SHANK2: variants seen among roughly 807,000 people sequenced by gnomAD.
The protein encoded by SHANK2 is SH3 and multiple ankyrin repeat domains 2, also known as SH3 and multiple ankyrin repeat domains protein 2.
In SHANK2, 43 loss-of-function variants were observed where a neutral mutation model predicts 133.7. That is an observed-to-expected ratio of 0.32 (90% CI 0.25 to 0.41). The LOEUF is 0.41. SHANK2 is among the 10% of genes least tolerant of loss of function. The probability of loss-of-function intolerance (pLI) is 1.00; values close to 1 mark genes in which losing one functional copy is unlikely to be tolerated. For missense variants in SHANK2, 1,994 were observed against 2,235.8 expected (o/e 0.89, Z 2.18); for synonymous variants, 1,017 against 952.8 (o/e 1.07, Z -1.24).
At chr11:70,560,736 AT>A (rs1383319284) in intron 17 of SHANK2, among the ~76,000 whole-genome samples, 4 of 151,496 alleles carry the variant, frequency 2.6e-5, no homozygotes, top group African/African-American at 7.3e-5. Flanking sequence ...GGTTCAAGCG[AT>A]TCTCCTGCCT....
In SHANK2 at chr11:70,944,188, A is replaced by T. The variant is rs566032483; in HGVS notation, c.1108-47621T>A. Among the ~76,000 whole-genome samples, 27 of 152,368 alleles carry T rather than the reference A, an allele frequency of 1.8e-4. No homozygotes were observed. In the South Asian group the frequency reaches 5.6e-3, roughly 32 times the overall value. On this transcript the variant is annotated intron_variant, in intron 10 of 25. Transcript: ENST00000601538. ...TATCACCAAGTTCTGACAGAGGTGT[A>T]AATTGCAGAGCGCAGGTCTATTCCT...
At chr11:70,878,014 A>G (rs589289) in intron 11 of SHANK2, among the ~76,000 whole-genome samples, 136,698 of 152,304 alleles carry the variant, frequency 0.9, 61,584 homozygotes, top group East Asian at 1. Flanking sequence ...CGAAGAATGC[A>G]GAGAAGCAGG....
intron 14 of SHANK2, among the ~76,000 whole-genome samples, chr11:70,787,206 T>TCACCATGAC (rs1223311686): frequency 1.6e-5 from 2 of 125,236 alleles, no homozygotes; most frequent in Non-Finnish European, 3.3e-5. Flanking sequence ...ACCAACATCA[T>TCACCATGAC]CACCATGACC....
At chr11:70,502,734 C>CGGGGGGGGG in intron 18 of SHANK2, 62 bp downstream of exon 18, 14 of 679,546 alleles carry the variant, frequency 2.1e-5, no homozygotes, top group East Asian at 6.5e-5. Context: ...CTGTCCTGCC[C>CGGGGGGGGG]GCCCCCACCC....
chr11:71,076,126 C>T (rs1951215099), intron 8 of SHANK2, among the ~76,000 whole-genome samples: 1 of 152,044 alleles, frequency 6.6e-6, no homozygotes, highest in Non-Finnish European at 1.5e-5. Flanking sequence ...CTCACAGGGG[C>T]CAGGGAGGTC....
intron 10 of SHANK2, among the ~76,000 whole-genome samples, chr11:70,924,348 AG>A (rs10713902): frequency 1 from 151,757 of 151,902 alleles, 75,806 homozygotes; most frequent in Non-Finnish European, 1. Context: ...CGCTGCTCCT[AG>A]GATCTCGGGG....
chr11:71,197,375 C>T (rs1396203099), intron 2 of SHANK2, among the ~76,000 whole-genome samples: 1 of 152,232 alleles, frequency 6.6e-6, no homozygotes, highest in Non-Finnish European at 1.5e-5. Context: ...CACAAACCTG[C>T]TCAGGCCTGT....
Position 70,650,657 on chromosome 11 carries a change from C to G in SHANK2, c.2061+9171G>C, listed in dbSNP as rs874080. On this transcript the variant is annotated intron_variant, in intron 17 of 25. Coordinates refer to ENST00000601538, the MANE Select transcript of SHANK2 (RefSeq NM_012309.5). ...CATAGCATCTGATCACTCCCCAAAT[C>G]CACCTTGAACATTCCTGACCCCCTA... Among the ~76,000 whole-genome samples, 13 of 152,342 alleles carry G rather than the reference C, an allele frequency of 8.5e-5. No individual in the cohort carries two copies. The East Asian group carries it at 2.1e-3, about 25-fold the overall frequency.
intron 10 of SHANK2, among the ~76,000 whole-genome samples, chr11:70,902,786 T>C (rs1555077037): frequency 6.6e-6 from 1 of 152,136 alleles, no homozygotes; most frequent in Admixed American, 6.5e-5. Context: ...CTGCAAGAGT[T>C]GGCACTGGGA....
At chr11:70,833,082 C>T (rs1565349189) in intron 11 of SHANK2, among the ~76,000 whole-genome samples, 1 of 152,274 alleles carries the variant, frequency 6.6e-6, no homozygotes, top group African/African-American at 2.4e-5. Flanking sequence ...TCAGCTTCCC[C>T]AGCTGCTGTG....
In SHANK2 at chr11:71,201,865, G is replaced by A. The variant is rs146894209; in HGVS notation, c.-13+22832C>T. Among the ~76,000 whole-genome samples, 229 of 152,312 alleles carry A rather than the reference G, an allele frequency of 1.5e-3. 1 individual carries two copies. The highest frequency in any genetic ancestry group is 4.7e-3 in the African/African-American group (196 of 41,574). ...CCAGTTCCTCCAGTCGCCCTGACCC[G>A]AGGAACAAACCTGCCTCCCGGAACC... On this transcript the variant is annotated intron_variant, in intron 2 of 25. Transcript: ENST00000601538.
At chr11:70,920,243 A>G (rs559186078) in intron 10 of SHANK2, among the ~76,000 whole-genome samples, 96 of 152,266 alleles carry the variant, frequency 6.3e-4, no homozygotes, top group Non-Finnish European at 1.0e-3. Context: ...TATAAATAGA[A>G]ATATTATGTA....
At chr11:70,566,100 C>T (rs1255189611) in intron 17 of SHANK2, among the ~76,000 whole-genome samples, 2 of 152,116 alleles carry the variant, frequency 1.3e-5, no homozygotes, top group South Asian at 4.1e-4. Context: ...GGGGTTTCCC[C>T]TTATAAAATC....
intron 14 of SHANK2, among the ~76,000 whole-genome samples, chr11:70,767,629 T>C (rs375444191): frequency 5.9e-5 from 9 of 151,992 alleles, no homozygotes; most frequent in East Asian, 1.9e-4. Flanking sequence ...GAGGATTTCA[T>C]TGATAGGAAA....
intron 11 of SHANK2, among the ~76,000 whole-genome samples, chr11:70,895,740 G>C (rs1441817427): frequency 6.6e-6 from 1 of 152,072 alleles, no homozygotes; most frequent in Non-Finnish European, 1.5e-5. Flanking sequence ...ATCCAAATCA[G>C]CTGCAAATTA....
chr11:70,765,017 C>T lies in SHANK2; in HGVS notation c.1777+33426G>A, dbSNP rs148033232. 2.6e-5 allele frequency among the ~76,000 whole-genome samples: 4 copies of T among 152,330 alleles called. No individual in the cohort carries two copies. In the East Asian group the frequency reaches 7.7e-4, roughly 29 times the overall value. On this transcript the variant is annotated intron_variant, in intron 14 of 25. Transcript: ENST00000601538. ...TAATGAAAGACAAGCCACTGAACAACAGCCCAAGGGAAGAAGACTACACCA... is the reference window on the plus strand; with the variant it reads ...TAATGAAAGACAAGCCACTGAACAATAGCCCAAGGGAAGAAGACTACACCA...
At chr11:71,148,316 TCAGGTGATC>T (rs1164435433) in intron 2 of SHANK2, among the ~76,000 whole-genome samples, 1 of 152,178 alleles carries the variant, frequency 6.6e-6, no homozygotes, top group Non-Finnish European at 1.5e-5. Flanking sequence ...ACTCCCAACC[TCAGGTGATC>T]CACCCGCCTT....
chr11:70,801,984 A>G (rs1555050635), intron 13 of SHANK2, among the ~76,000 whole-genome samples: 2 of 152,156 alleles, frequency 1.3e-5, no homozygotes, highest in Non-Finnish European at 2.9e-5. Context: ...GAGGGGCAGG[A>G]GGAAGACTAC....
rs1275399642 is a variant in SHANK2, at chr11:71,086,293, TAAG to T, written c.912+6126_912+6128del. On this transcript the variant is annotated intron_variant, in intron 8 of 25. Coordinates refer to ENST00000601538, the MANE Select transcript of SHANK2 (RefSeq NM_012309.5). ...TATATGTTATATTATATATGTTATATAAGATGTTATATAAGATATAGTATATGT... is the reference window on the plus strand; with the variant it reads ...TATATGTTATATTATATATGTTATATATGTTATATAAGATATAGTATATGT... Among the ~76,000 whole-genome samples the T allele has an allele frequency of 2.0e-3, 88 of 44,570 alleles. 1 individual carries two copies. The highest frequency in any genetic ancestry group is 4.6e-3 in the African/African-American group (51 of 11,104). 29.2% of individuals were successfully genotyped at this position (44,570 alleles called of 152,430 possible). A position where few individuals can be genotyped will look rare whatever the true frequency, so the allele number is the denominator to read the frequency against.
Sources: allele counts gnomAD v4.1 joint callset (sites outside exome capture counted in the v4.1 genomes callset), GRCh38; gene constraint gnomAD v4.1.1; transcripts MANE v1.5; gene names NCBI Gene and HGNC (gene_info 2026-07-23, HGNC 2026-07-21).